ADGRB3: variants seen among roughly 807,000 people sequenced by gnomAD.
ADGRB3 encodes the protein adhesion G protein-coupled receptor B3.
Under a neutral mutation model 193.4 loss-of-function variants are expected in ADGRB3, and 37 were observed. The ratio of observed to expected loss-of-function variants is 0.19; its 90% CI spans 0.15 to 0.25. ADGRB3 has a LOEUF of 0.25. ADGRB3 is among the 10% of genes least tolerant of loss of function. The pLI, the probability that ADGRB3 is intolerant of heterozygous loss-of-function variation, is 1.00. For missense variants in ADGRB3, 1,637 were observed against 1,852.9 expected (o/e 0.88, Z 2.14); for synonymous variants, 690 against 644.2 (o/e 1.07, Z -1.08).
intron 20 of ADGRB3, among the ~76,000 whole-genome samples, chr6:69,286,003 C>A (rs776936035): frequency 6.6e-5 from 10 of 152,056 alleles, no homozygotes; most frequent in Non-Finnish European, 1.5e-4. Context: ...ATACAGCCCC[C>A]ACTCATACTG....
At position 69,320,875 on chromosome 6, in the gene ADGRB3, C is replaced by T. The variant is rs185364458; in HGVS notation, c.2815-3997C>T. Among the ~76,000 whole-genome samples the T allele has an allele frequency of 3.5e-4, 49 of 141,882 alleles. 1 individual carries two copies. The highest frequency in any genetic ancestry group is 1.0e-3 in the African/African-American group (40 of 38,620). 93.1% of individuals were successfully genotyped at this position (141,882 alleles called of 152,430 possible). ...TGTGTATCTTTAGTCTCTCCTACGC[C>T]GGGAGAATTTTTACAGTGTTTTGAG... is the stretch of plus-strand genomic sequence containing the variant. On this transcript the variant is annotated intron_variant, in intron 20 of 31. Coordinates refer to ENST00000370598, the MANE Select transcript of ADGRB3 (RefSeq NM_001704.3).
At chr6:69,055,598 G>A (rs1342280952) in intron 15 of ADGRB3, among the ~76,000 whole-genome samples, 6 of 152,076 alleles carry the variant, frequency 3.9e-5, no homozygotes, top group Admixed American at 3.3e-4. Flanking sequence ...TGATGAACAT[G>A]GGTGTTCAAA....
chr6:68,847,954 A>C (rs1768314909), intron 3 of ADGRB3, among the ~76,000 whole-genome samples: 1 of 152,134 alleles, frequency 6.6e-6, no homozygotes, highest in Admixed American at 6.5e-5. Flanking sequence ...GATATCAACT[A>C]AGTACAAATT....
At chr6:69,181,023 G>T (rs1775566035) in intron 17 of ADGRB3, among the ~76,000 whole-genome samples, 1 of 152,102 alleles carries the variant, frequency 6.6e-6, no homozygotes, top group Admixed American at 6.5e-5. Context: ...TACTCCCTCA[G>T]CCTACTGGGT....
At chr6:68,826,026 A>C (rs1767837646) in intron 3 of ADGRB3, among the ~76,000 whole-genome samples, 1 of 151,896 alleles carries the variant, frequency 6.6e-6, no homozygotes, top group Non-Finnish European at 1.5e-5. Flanking sequence ...TTTCTTTTGA[A>C]TAAATCATGC....
chr6:69,199,486 A>G (rs1013396980), intron 17 of ADGRB3, among the ~76,000 whole-genome samples: 3 of 152,112 alleles, frequency 2.0e-5, no homozygotes, highest in African/African-American at 7.2e-5. Context: ...ATCATTGTTC[A>G]AGAAACATAA....
chr6:68,769,628 G>A (rs1297394637), intron 3 of ADGRB3, among the ~76,000 whole-genome samples: 1 of 152,080 alleles, frequency 6.6e-6, no homozygotes, highest in Non-Finnish European at 1.5e-5. Flanking sequence ...CATGCCACGT[G>A]TATACCTATG....
rs1174071293 is a variant in ADGRB3, at chr6:69,049,283, C to T, written c.2270C>T (p.Ser757Leu). The change falls in exon 15 of 32, where the codon TCA becomes TTA. Residue 757 changes from serine (S) to leucine (L), a missense_variant. Ser to Leu is a moderately radical substitution (Grantham distance 145). Around this residue, in one of 7 missense-constraint regions of ADGRB3, gnomAD observed 641 missense variants for 673.9 expected, o/e 0.95. Coordinates refer to ENST00000370598, the MANE Select transcript of ADGRB3 (RefSeq NM_001704.3). Reference protein sequence around the residue: ...TPVSSKELDESSVFVLGAVLY... With the variant: ...TPVSSKELDELSVFVLGAVLY... ...TTATTCTTTCTAGAATTAGATGAAT[C>T]ATCTGTATTTGTTCTTGGCGCAGTC... 5.6e-6 allele frequency: 9 copies of T among 1,601,992 alleles called. No individual in the cohort carries two copies. The highest frequency in any genetic ancestry group is 6.0e-6 in the Non-Finnish European group (7 of 1,173,220).
intron 17 of ADGRB3, among the ~76,000 whole-genome samples, chr6:69,104,673 A>G (rs1220690189): frequency 2.0e-5 from 3 of 152,164 alleles, no homozygotes; most frequent in Admixed American, 6.5e-5. Flanking sequence ...TTGTGGTAAG[A>G]AAACAAAGAG....
chr6:69,219,722 C>G (rs1037292365), intron 17 of ADGRB3, among the ~76,000 whole-genome samples: 1 of 151,492 alleles, frequency 6.6e-6, no homozygotes, highest in African/African-American at 2.4e-5. Flanking sequence ...GGTTGAACTA[C>G]TTCAGTATCT....
intron 17 of ADGRB3, among the ~76,000 whole-genome samples, chr6:69,106,887 A>G (rs924707685): frequency 6.6e-6 from 1 of 152,198 alleles, no homozygotes; most frequent in African/African-American, 2.4e-5. Flanking sequence ...TCACGGTGTA[A>G]TTCCTGACTC....
intron 17 of ADGRB3, among the ~76,000 whole-genome samples, chr6:69,178,121 G>A (rs187828839): frequency 2.6e-5 from 4 of 152,258 alleles, no homozygotes; most frequent in Admixed American, 2.6e-4. Flanking sequence ...CTCCAATGTG[G>A]TATGCATATA....
At chr6:68,938,448 A>G (rs1465701372) in intron 5 of ADGRB3, among the ~76,000 whole-genome samples, 1 of 9,474 alleles carries the variant, frequency 1.1e-4, no homozygotes, top group South Asian at 2.8e-3. Context: ...AGGTATATAT[A>G]TATATATATA....
intron 3 of ADGRB3, among the ~76,000 whole-genome samples, chr6:68,661,305 A>ATC (rs1554166963): frequency 1.0e-5 from 1 of 96,750 alleles, no homozygotes; most frequent in Non-Finnish European, 2.2e-5. Context: ...ATATATATAT[A>ATC]TGTGTGTGTG....
intron 20 of ADGRB3, 47 bp from the exon 21 acceptor site, chr6:69,324,825 C>A: frequency 6.3e-7 from 1 of 1,590,840 alleles, no homozygotes; most frequent in South Asian, 1.1e-5. Flanking sequence ...TATCATTTTC[C>A]CTCTCCCAGG....
intron 11 of ADGRB3, among the ~76,000 whole-genome samples, chr6:69,013,385 G>C (rs185897958): frequency 2.6e-5 from 4 of 152,242 alleles, no homozygotes; most frequent in Non-Finnish European, 5.9e-5. Flanking sequence ...TGATGGCAAG[G>C]ATGTTATATG....
intron 17 of ADGRB3, among the ~76,000 whole-genome samples, chr6:69,135,827 TGAATTTG>T (rs1404408883): frequency 6.6e-6 from 1 of 152,062 alleles, no homozygotes. Context: ...TGCCAAGTGT[TGAATTTG>T]GAAAAGTCGT....
At chr6:69,275,308 C>T (rs903504092) in intron 20 of ADGRB3, among the ~76,000 whole-genome samples, 3 of 151,706 alleles carry the variant, frequency 2.0e-5, no homozygotes, top group Non-Finnish European at 2.9e-5. Flanking sequence ...TTTATTCCAA[C>T]TAAAATTCTT....
chr6:69,072,139 C>T (rs1253223054), intron 16 of ADGRB3, among the ~76,000 whole-genome samples: 3 of 152,028 alleles, frequency 2.0e-5, no homozygotes, highest in Non-Finnish European at 4.4e-5. Context: ...GTTTGTTCAG[C>T]TTATTTTTCT....
Sources: allele counts gnomAD v4.1 joint callset (sites outside exome capture counted in the v4.1 genomes callset), GRCh38; gene constraint gnomAD v4.1.1; regional missense constraint gnomAD v4.1.1; transcripts MANE v1.5; gene names NCBI Gene and HGNC (gene_info 2026-07-23, HGNC 2026-07-21).